Variants in TMEM145 observed in about 807,000 individuals in gnomAD.
The protein encoded by TMEM145 is transmembrane protein 145.
In TMEM145, 46 loss-of-function variants were observed where a neutral mutation model predicts 68.5. That is an observed-to-expected ratio of 0.67 (90% CI 0.53 to 0.86). The LOEUF is 0.86. Ranked by LOEUF, TMEM145 falls within the 40% of genes least tolerant of loss-of-function variation. TMEM145 has a pLI of 0.00. For synonymous variants in TMEM145, 255 were observed against 280.2 expected, an observed-to-expected ratio of 0.91 and a Z score of 0.90; for missense variants, 570 against 645.8, an observed-to-expected ratio of 0.88 and a Z score of 1.27.
intron 13 of TMEM145, 63 bp from the exon 14 acceptor site, chr19:42,323,520 G>A (rs762069828): frequency 2.4e-5 from 37 of 1,543,200 alleles, no homozygotes; most frequent in Non-Finnish European, 2.8e-5. Flanking sequence ...CGGACCCCAA[G>A]TTTATGGGGA....
chr19:42,320,660 C>T (rs1262850818), intron 13 of TMEM145, among the ~76,000 whole-genome samples: 2 of 151,676 alleles, frequency 1.3e-5, no homozygotes, highest in African/African-American at 4.8e-5. Context: ...CAGAGTCTCA[C>T]TCTGTCTCCC....
chr19:42,323,224 G>T (rs1342870740), intron 13 of TMEM145, among the ~76,000 whole-genome samples: 2 of 152,216 alleles, frequency 1.3e-5, no homozygotes, highest in Non-Finnish European at 2.9e-5. Flanking sequence ...TTGAATGTGG[G>T]TAGTGCATAG....
chr19:42,316,955 G>C lies in TMEM145; in HGVS notation c.892G>C (p.Glu298Gln), dbSNP rs776513733. 3.1e-6 allele frequency: 5 copies of C among 1,613,284 alleles called. No individual in the cohort carries two copies. In the East Asian group the frequency reaches 1.1e-4, roughly 36 times the overall value. ...CACCCATGTGGTGCTGCTCATCTAC[G>C]AGGCGGAAGTGAGTCCGACTGGCCC... ...TLTHVVLLIYEAEFFDPGQVL... is the reference protein window; with the variant it reads ...TLTHVVLLIYQAEFFDPGQVL... Residue 298 changes from glutamate (E) to glutamine (Q), a missense_variant, in exon 11 of 15, where the codon GAG becomes CAG. Coordinates refer to ENST00000301204, the MANE Select transcript of TMEM145 (RefSeq NM_173633.3).
intron 12 of TMEM145, among the ~76,000 whole-genome samples, chr19:42,318,959 C>T (rs994531899): frequency 6.6e-6 from 1 of 152,090 alleles, no homozygotes; most frequent in Non-Finnish European, 1.5e-5. Context: ...TGGTGCACGC[C>T]TGTACTGCCA....
chr19:42,317,512 C>T (rs543749724), intron 11 of TMEM145, among the ~76,000 whole-genome samples, 197 bp from the exon 12 acceptor site: 5 of 152,200 alleles, frequency 3.3e-5, no homozygotes, highest in Admixed American at 1.3e-4. Context: ...GTTGAGCAAA[C>T]AGTAACTGAT....
At chr19:42,320,039 G>A (rs541674336) in intron 12 of TMEM145, among the ~76,000 whole-genome samples, 1 of 152,030 alleles carries the variant, frequency 6.6e-6, no homozygotes, top group South Asian at 2.1e-4. Context: ...GATTATAGGC[G>A]TGAGCCACCG....
chr19:42,320,671 A>G (rs1215219783), intron 13 of TMEM145, among the ~76,000 whole-genome samples: 1 of 150,030 alleles, frequency 6.7e-6, no homozygotes, highest in Non-Finnish European at 1.5e-5. Flanking sequence ...TCTGTCTCCC[A>G]GGCTGGAGTG....
intron 13 of TMEM145, among the ~76,000 whole-genome samples, chr19:42,322,981 G>A (rs1181331427): frequency 6.6e-6 from 1 of 152,194 alleles, no homozygotes; most frequent in East Asian, 1.9e-4. Flanking sequence ...GATTACAGGC[G>A]TGAGCCATGG....
At chr19:42,323,029 G>A (rs912373099) in intron 13 of TMEM145, among the ~76,000 whole-genome samples, 3 of 152,176 alleles carry the variant, frequency 2.0e-5, no homozygotes, top group South Asian at 4.1e-4. Context: ...GCTTATATGC[G>A]CCAGGCATGG....
chr19:42,315,304 A>G (rs1395604545), intron 7 of TMEM145, 45 bp downstream of exon 7: 2 of 1,613,742 alleles, frequency 1.2e-6, no homozygotes, highest in African/African-American at 1.3e-5. Context: ...AGGAGGGAGC[A>G]GGGTTGGGGG....
intron 13 of TMEM145, among the ~76,000 whole-genome samples, chr19:42,322,595 G>A (rs940267407): frequency 6.6e-6 from 1 of 152,086 alleles, no homozygotes; most frequent in Non-Finnish European, 1.5e-5. Context: ...TTAGGTTTCC[G>A]GGATATGGCG....
intron 13 of TMEM145, among the ~76,000 whole-genome samples, chr19:42,322,442 C>T (rs1289310554): frequency 1.3e-5 from 2 of 152,214 alleles, no homozygotes; most frequent in East Asian, 1.9e-4. Flanking sequence ...ACGGCAAGCA[C>T]AGCGCCCTTC....
intron 12 of TMEM145, among the ~76,000 whole-genome samples, chr19:42,318,787 A>C (rs565351210): frequency 6.6e-6 from 1 of 151,404 alleles, no homozygotes; most frequent in East Asian, 2.0e-4. Flanking sequence ...ATGTTCAGTA[A>C]AAAACTATTG....
intron 12 of TMEM145, among the ~76,000 whole-genome samples, chr19:42,318,255 C>T (rs1246897403): frequency 6.6e-6 from 1 of 151,476 alleles, no homozygotes; most frequent in East Asian, 1.9e-4. Context: ...GTAGTCCCAG[C>T]TGCTGGGGAG....
At chr19:42,321,558 T>C (rs1173774332) in intron 13 of TMEM145, 1 of 157,010 alleles carries the variant, frequency 6.4e-6, no homozygotes, top group Non-Finnish European at 1.4e-5. Context: ...CCTAGCAAAT[T>C]TTTTTTGTAT....
In TMEM145 at chr19:42,314,513, C is replaced by A; in HGVS notation, c.258C>A (p.Tyr86Ter). The A allele has an allele frequency of 6.2e-7, 1 of 1,614,164 alleles. No homozygotes were observed. The stretch of plus-strand genomic sequence containing the variant: ...ACCCATCCCAGTGGCCAGCCGTGTA[C>A]AAGGCAGGGGACAAGGTGAGGGCTG... ...FDDPSQWPAV[Y>*]KAGDKDCLAK... The change falls in exon 3 of 15, where the codon TAC becomes TAA. Residue 86 changes from tyrosine (Y) to a stop codon, truncating the protein, a stop_gained. Transcript: ENST00000301204. LOFTEE classifies it high-confidence loss of function.
Position 42,325,018 on chromosome 19 carries a change from T to C in TMEM145, c.*201T>C, listed in dbSNP as rs915850552. On this transcript the variant is annotated 3_prime_UTR_variant, in exon 15 of 15. Coordinates refer to ENST00000301204, the MANE Select transcript of TMEM145 (RefSeq NM_173633.3). ...CCTCGGGTCCCTGGCAGAAAGACATTTTACCCCTTCTTGCCAAAATAAAAA... is the reference window on the plus strand; with the variant it reads ...CCTCGGGTCCCTGGCAGAAAGACATCTTACCCCTTCTTGCCAAAATAAAAA... 85 of 802,522 alleles carry C rather than the reference T, an allele frequency of 1.1e-4. No individual in the cohort carries two copies. Among genetic ancestry groups the C allele is most frequent in the Non-Finnish European group, 1.4e-4 (80 of 587,748 alleles). The allele number at this position is 802,522 out of a possible 1,614,324, so 49.7% of individuals were successfully genotyped here.
At position 42,317,841 on chromosome 19, in the gene TMEM145, C is replaced by T. The variant is rs1253586800; in HGVS notation, c.1033C>T (p.Gln345Ter). The T allele has an allele frequency of 6.2e-7, 1 of 1,614,106 alleles. No homozygotes were observed. Among genetic ancestry groups the T allele is most frequent in the Non-Finnish European group, 8.5e-7 (1 of 1,180,052 alleles). ...CTCACTGCGACACTTTCCTGAGAAGCAGCCTTTTTATGTGCCCTTCTTTGC... is the reference window on the plus strand; with the variant it reads ...CTCACTGCGACACTTTCCTGAGAAGTAGCCTTTTTATGTGCCCTTCTTTGC... ...LVSLRHFPEK[Q>*]PFYVPFFAAY... is the part of the protein sequence containing the mutation. Residue 345 changes from glutamine to a stop codon, truncating the protein, a stop_gained, in exon 12 of 15, where the codon CAG becomes TAG. Transcript: ENST00000301204. LOFTEE classifies it high-confidence loss of function.
rs780942369 is a variant in TMEM145, at chr19:42,323,684, C to T, written c.1296C>T (p.Ser432=). The change falls in exon 14 of 15, where the codon TCC becomes TCT. Residue 432 remains serine (S), a synonymous_variant. Transcript: ENST00000301204. ...TCCCTGGACCCGGAGGGAGCCAATCCGCTGACAAGGCCTTCCCGCAGCACG... is the reference window on the plus strand; with the variant it reads ...TCCCTGGACCCGGAGGGAGCCAATCTGCTGACAAGGCCTTCCCGCAGCACG... ...AGVPGPGGSQ[S]ADKAFPQHVY... The T allele has an allele frequency of 6.2e-6, 10 of 1,614,218 alleles. No individual in the cohort carries two copies. Among genetic ancestry groups the T allele is most frequent in the South Asian group, 1.1e-5 (1 of 91,086 alleles).
Sources: allele counts gnomAD v4.1 joint callset (sites outside exome capture counted in the v4.1 genomes callset), GRCh38; gene constraint gnomAD v4.1.1; transcripts MANE v1.5; gene names NCBI Gene and HGNC (gene_info 2026-07-23, HGNC 2026-07-21).